Variants in PTPRD observed in about 807,000 individuals in gnomAD.
PTPRD encodes the protein receptor-type tyrosine-protein phosphatase delta.
A neutral mutation model predicts 214.5 loss-of-function variants in PTPRD; 34 were observed. The ratio of observed to expected loss-of-function variants is 0.16; its 90% CI spans 0.12 to 0.21. The LOEUF (loss-of-function observed/expected upper bound fraction) is 0.21, where lower values mean the gene tolerates loss of function less well. PTPRD is among the 10% of genes least tolerant of loss of function. The pLI is 1.00. For synonymous variants in PTPRD, 1,128 were observed against 845.7 expected (o/e 1.33, Z -5.79); for missense variants, 2,545 against 2,398.7 (o/e 1.06, Z -1.27).
Position 9,849,532 on chromosome 9 carries a change from G to C in PTPRD, c.-367-82681C>G, listed in dbSNP as rs117777032. ...GATGCTATTGTCCATTCCAAGTTTT[G>C]AAAAGAATGATGATGAGCCAGGAAA... On this transcript the variant is annotated intron_variant, in intron 5 of 45. Transcript: ENST00000381196. Among the ~76,000 whole-genome samples, 237 of 152,098 alleles carry C rather than the reference G, an allele frequency of 1.6e-3. 9 individuals are homozygous for C. The East Asian group carries it at 0.037, about 23-fold the overall frequency.
intron 4 of PTPRD, among the ~76,000 whole-genome samples, chr9:9,945,181 G>A (rs1325979536): frequency 6.6e-6 from 1 of 152,130 alleles, no homozygotes; most frequent in African/African-American, 2.4e-5. Flanking sequence ...GGATTATTAG[G>A]AGATCCACGT....
chr9:8,424,881 G>A (rs2094563714), intron 35 of PTPRD, among the ~76,000 whole-genome samples: 1 of 152,146 alleles, frequency 6.6e-6, no homozygotes, highest in African/African-American at 2.4e-5. Context: ...TATGCTTCAT[G>A]CATGAACTTT....
intron 11 of PTPRD, among the ~76,000 whole-genome samples, chr9:8,818,123 A>T (rs2096960014): frequency 6.6e-6 from 1 of 152,220 alleles, no homozygotes; most frequent in Admixed American, 6.5e-5. Flanking sequence ...GTATAAATCA[A>T]GATTATCCAT....
chr9:10,084,085 T>C (rs1022486852), intron 3 of PTPRD, among the ~76,000 whole-genome samples: 2 of 151,956 alleles, frequency 1.3e-5, no homozygotes, highest in Non-Finnish European at 2.9e-5. Flanking sequence ...CAGTTAATAA[T>C]AGGCATTGTA....
At chr9:10,465,692 A>G (rs2098988750) in intron 2 of PTPRD, among the ~76,000 whole-genome samples, 2 of 152,172 alleles carry the variant, frequency 1.3e-5, no homozygotes, top group Admixed American at 6.5e-5. Context: ...CAGTACAGCA[A>G]CATGCTGTAC....
In PTPRD at chr9:8,727,758, T is replaced by C. The variant is rs995483403; in HGVS notation, c.64+6022A>G. Among the ~76,000 whole-genome samples the C allele has an allele frequency of 1.2e-4, 19 of 152,198 alleles. No homozygotes were observed. The East Asian group carries it at 3.7e-3, about 29-fold the overall frequency. ...ATGGCCTTAAACTGGGCTCAAGCAA[T>C]CCTCCCTCTTCAACCTCCCAAGTAG... On this transcript the variant is annotated intron_variant, in intron 12 of 45. Transcript: ENST00000381196.
intron 3 of PTPRD, among the ~76,000 whole-genome samples, chr9:10,168,828 T>C (rs2099177795): frequency 6.6e-6 from 1 of 152,142 alleles, no homozygotes; most frequent in African/African-American, 2.4e-5. Flanking sequence ...TAATGAAATA[T>C]ACATATATAT....
intron 5 of PTPRD, among the ~76,000 whole-genome samples, chr9:9,768,143 G>A (rs533501436): frequency 1.1e-4 from 17 of 152,158 alleles, no homozygotes; most frequent in Middle Eastern, 3.4e-3. Context: ...GCCAAAACTA[G>A]TCTTTTTCAC....
intron 11 of PTPRD, among the ~76,000 whole-genome samples, chr9:8,839,663 G>A (rs2097520380): frequency 6.6e-6 from 1 of 152,084 alleles, no homozygotes; most frequent in Non-Finnish European, 1.5e-5. Context: ...AGCATTATGA[G>A]CATAATCAGC....
At chr9:9,199,144 G>GT (rs2099940409) in intron 9 of PTPRD, among the ~76,000 whole-genome samples, 1 of 151,930 alleles carries the variant, frequency 6.6e-6, no homozygotes, top group South Asian at 2.1e-4. Flanking sequence ...CATCCCCTAG[G>GT]TAAAAAAAAG....
chr9:10,267,269 T>C (rs2094134996), intron 3 of PTPRD, among the ~76,000 whole-genome samples: 1 of 150,260 alleles, frequency 6.7e-6, no homozygotes, highest in African/African-American at 2.4e-5. Context: ...CTTTTGGAAG[T>C]AGGTTGAATG....
Position 9,135,588 on chromosome 9 carries a change from G to A in PTPRD, c.-143+47716C>T, listed in dbSNP as rs573949930. 4.6e-5 allele frequency among the ~76,000 whole-genome samples: 7 copies of A among 152,180 alleles called. No individual in the cohort carries two copies. The South Asian group carries it at 1.5e-3, about 32-fold the overall frequency. On this transcript the variant is annotated intron_variant, in intron 10 of 45. Coordinates refer to ENST00000381196, the MANE Select transcript of PTPRD (RefSeq NM_002839.4). Reference sequence around the variant, plus strand: ...CCCAGAAGGTGGCTAAGTGCGATAGGAGACACTAAAGAGGGAAAATATTGG... The same window carrying A: ...CCCAGAAGGTGGCTAAGTGCGATAGAAGACACTAAAGAGGGAAAATATTGG...
intron 31 of PTPRD, among the ~76,000 whole-genome samples, chr9:8,467,155 T>C (rs1449299435): frequency 6.6e-6 from 1 of 151,944 alleles, no homozygotes; most frequent in Admixed American, 6.6e-5. Context: ...TGAATTTAAG[T>C]TTATTGATGC....
intron 33 of PTPRD, among the ~76,000 whole-genome samples, chr9:8,455,907 T>A (rs952755325): frequency 8.5e-5 from 13 of 152,302 alleles, no homozygotes; most frequent in African/African-American, 3.1e-4. Flanking sequence ...CACAAATTCA[T>A]AGTTCCAGAT....
At chr9:8,447,833 G>A (rs144924629) in intron 34 of PTPRD, among the ~76,000 whole-genome samples, 35 of 152,228 alleles carry the variant, frequency 2.3e-4, no homozygotes, top group Admixed American at 3.9e-4. Flanking sequence ...GAGGAAGGAG[G>A]GGCAGTGGAG....
chr9:9,877,973 C>CAAAAAAAAA (rs758528718), intron 5 of PTPRD, among the ~76,000 whole-genome samples: 2 of 70,680 alleles, frequency 2.8e-5, no homozygotes. Flanking sequence ...AACTCCATCT[C>CAAAAAAAAA]AAAAAAAAAA....
intron 9 of PTPRD, among the ~76,000 whole-genome samples, chr9:9,233,074 C>T (rs1482947350): frequency 1.3e-5 from 2 of 152,098 alleles, no homozygotes; most frequent in Admixed American, 6.5e-5. Flanking sequence ...GAATGATGCA[C>T]AGAGGCTGTA....
At chr9:10,141,049 A>G (rs1167914413) in intron 3 of PTPRD, among the ~76,000 whole-genome samples, 2 of 151,890 alleles carry the variant, frequency 1.3e-5, no homozygotes, top group Admixed American at 6.6e-5. Context: ...AAATTCAACA[A>G]CCCTTCATGC....
chr9:9,935,088 G>A lies in PTPRD; in HGVS notation c.-368+3419C>T, dbSNP rs567969753. 1.1e-3 allele frequency among the ~76,000 whole-genome samples: 166 copies of A among 152,120 alleles called. 5 individuals are homozygous for A. The South Asian group carries it at 0.033, about 31-fold the overall frequency. On this transcript the variant is annotated intron_variant, in intron 5 of 45. Transcript: ENST00000381196. Reference sequence around the variant, plus strand: ...TGGGATGTATTTCAAAATAATAAGAGCTCTCTATGACAAACCCACAGCCAA... The same window carrying A: ...TGGGATGTATTTCAAAATAATAAGAACTCTCTATGACAAACCCACAGCCAA...
Sources: gnomAD v4.1 joint callset for allele counts (sites outside exome capture counted in the v4.1 genomes callset) on GRCh38, gnomAD v4.1.1 for gene constraint, MANE v1.5 for transcripts, NCBI Gene and HGNC (gene_info 2026-07-23, HGNC 2026-07-21) for gene names.